Variants in LMNTD1 observed in about 807,000 individuals in gnomAD.
LMNTD1 encodes lamin tail domain-containing protein 1.
Under a neutral mutation model 50.9 loss-of-function variants are expected in LMNTD1, and 35 were observed. That is an observed-to-expected ratio of 0.69 (90% CI 0.53 to 0.91). LMNTD1 has a LOEUF of 0.91. Among genes scored for constraint, LMNTD1 ranks in the 40% least tolerant of loss-of-function variants. LMNTD1 has a pLI of 0.00. For missense variants in LMNTD1, 470 were observed against 475.5 expected (o/e 0.99, Z 0.11); for synonymous variants, 153 against 161.9 (o/e 0.94, Z 0.42).
intron 8 of LMNTD1, among the ~76,000 whole-genome samples, chr12:25,508,764 C>G (rs2135971940): frequency 6.6e-6 from 1 of 152,266 alleles, no homozygotes; most frequent in Non-Finnish European, 1.5e-5. Context: ...GAATTCTTGT[C>G]TTGCTCAGGA....
intron 1 of LMNTD1, among the ~76,000 whole-genome samples, chr12:25,562,330 G>A (rs1286325742): frequency 1.3e-5 from 2 of 152,196 alleles, no homozygotes; most frequent in African/African-American, 4.8e-5. Context: ...AGGGAGGCCT[G>A]GTGGTGACAA....
intron 1 of LMNTD1, among the ~76,000 whole-genome samples, chr12:25,609,431 C>T (rs745743507): frequency 6.6e-6 from 1 of 152,190 alleles, no homozygotes; most frequent in Non-Finnish European, 1.5e-5. Context: ...AGCTTTTCTG[C>T]TCTGGTTTCT....
At chr12:25,571,362 TA>T (rs1944786328) in intron 1 of LMNTD1, among the ~76,000 whole-genome samples, 2 of 150,872 alleles carry the variant, frequency 1.3e-5, no homozygotes, top group Non-Finnish European at 3.0e-5. Context: ...TTTATTTATT[TA>T]TTTATTTATT....
At chr12:25,488,182 C>T (rs1416052416) in intron 9 of LMNTD1, among the ~76,000 whole-genome samples, 1 of 141,450 alleles carries the variant, frequency 7.1e-6, no homozygotes, top group South Asian at 2.4e-4. Flanking sequence ...GTTGGCCTGC[C>T]TTGCTAGATT....
intron 1 of LMNTD1, among the ~76,000 whole-genome samples, chr12:25,607,992 G>C (rs931956229): frequency 1.3e-5 from 2 of 152,226 alleles, no homozygotes; most frequent in Admixed American, 1.3e-4. Flanking sequence ...GGTCTCTCAG[G>C]ACTTGCTTTA....
intron 6 of LMNTD1, among the ~76,000 whole-genome samples, 173 bp from the exon 7 acceptor site, chr12:25,520,248 G>A (rs1941221556): frequency 6.7e-6 from 1 of 148,488 alleles, no homozygotes; most frequent in Non-Finnish European, 1.5e-5. Context: ...TATGACAAGA[G>A]CAGCTAAAAT....
chr12:25,636,175 A>T (rs113512586), intron 1 of LMNTD1, among the ~76,000 whole-genome samples: 2 of 152,258 alleles, frequency 1.3e-5, no homozygotes, highest in African/African-American at 4.8e-5. Context: ...AGCAAAAGGA[A>T]CAGTCAGCAG....
intron 9 of LMNTD1, among the ~76,000 whole-genome samples, chr12:25,500,918 T>C (rs943415496): frequency 6.6e-5 from 10 of 152,186 alleles, no homozygotes; most frequent in Admixed American, 2.0e-4. Context: ...ATGCTTTTAA[T>C]CAGTTGTTGC....
intron 4 of LMNTD1, among the ~76,000 whole-genome samples, chr12:25,543,499 T>C (rs1213794527): frequency 6.6e-6 from 1 of 152,036 alleles, no homozygotes; most frequent in African/African-American, 2.4e-5. Flanking sequence ...ACTAGATGCA[T>C]AGAAAGTATT....
intron 2 of LMNTD1, among the ~76,000 whole-genome samples, chr12:25,551,290 G>C (rs1192571767): frequency 6.6e-6 from 1 of 152,136 alleles, no homozygotes; most frequent in Non-Finnish European, 1.5e-5. Context: ...TTCCACAGAA[G>C]ACTCCCAAGA....
At chr12:25,630,250 A>G (rs1015440455) in intron 1 of LMNTD1, among the ~76,000 whole-genome samples, 20 of 152,204 alleles carry the variant, frequency 1.3e-4, no homozygotes, top group African/African-American at 4.8e-4. Flanking sequence ...GGAGAGGATC[A>G]GTATCTGGAG....
chr12:25,584,805 C>A (rs1945450512), intron 1 of LMNTD1, among the ~76,000 whole-genome samples: 1 of 151,198 alleles, frequency 6.6e-6, no homozygotes, highest in African/African-American at 2.5e-5. Flanking sequence ...GGAAAATTTT[C>A]ATCATAGACT....
At chr12:25,563,956 A>G (rs1944446858) in intron 1 of LMNTD1, among the ~76,000 whole-genome samples, 1 of 152,244 alleles carries the variant, frequency 6.6e-6, no homozygotes, top group South Asian at 2.1e-4. Flanking sequence ...TGCGTGGGAT[A>G]TAATCTCCTG....
At chr12:25,586,691 C>T (rs1005407232) in intron 1 of LMNTD1, among the ~76,000 whole-genome samples, 2 of 152,128 alleles carry the variant, frequency 1.3e-5, no homozygotes, top group Non-Finnish European at 2.9e-5. Flanking sequence ...CCCTCCTAGA[C>T]ATTAGATTGG....
At chr12:25,483,728 C>T (rs762860359) in intron 9 of LMNTD1, among the ~76,000 whole-genome samples, 7 of 150,476 alleles carry the variant, frequency 4.7e-5, no homozygotes, top group South Asian at 2.1e-4. Context: ...GCCAAGATTG[C>T]GCCACTGTAC....
intron 1 of LMNTD1, among the ~76,000 whole-genome samples, chr12:25,583,525 G>A (rs369122223): frequency 9.2e-5 from 14 of 152,264 alleles, no homozygotes; most frequent in African/African-American, 3.4e-4. Flanking sequence ...TAATCCCCTT[G>A]CTCCTATTTG....
chr12:25,599,310 A>G (rs150484639), intron 1 of LMNTD1, among the ~76,000 whole-genome samples: 45 of 152,124 alleles, frequency 3.0e-4, no homozygotes, highest in Middle Eastern at 3.4e-3. Context: ...ACATACCTAA[A>G]CGTAATAAAA....
At chr12:25,633,860 T>C (rs904448510) in intron 1 of LMNTD1, among the ~76,000 whole-genome samples, 5 of 151,666 alleles carry the variant, frequency 3.3e-5, no homozygotes, top group African/African-American at 1.2e-4. Flanking sequence ...AACAAAAAAA[T>C]TACAAAAGGT....
At chr12:25,527,076 A>G (rs1941776708) in intron 4 of LMNTD1, 121 bp from the exon 5 acceptor site, 1 of 608,106 alleles carries the variant, frequency 1.6e-6, no homozygotes, top group African/African-American at 1.9e-5. Flanking sequence ...CTATTGGGCA[A>G]GTTCTATATA....
Sources: allele counts gnomAD v4.1 joint callset (sites outside exome capture counted in the v4.1 genomes callset), GRCh38; gene constraint gnomAD v4.1.1; transcripts MANE v1.5; gene names NCBI Gene and HGNC (gene_info 2026-07-23, HGNC 2026-07-21).